SNX24: variants seen among roughly 807,000 people sequenced by gnomAD.
SNX24 encodes sorting nexin 24, also known as sorting nexin-24.
A neutral mutation model predicts 28.7 loss-of-function variants in SNX24; 22 were observed. The ratio of observed to expected loss-of-function variants is 0.77; its 90% CI spans 0.55 to 1.10. SNX24 has a LOEUF of 1.10. SNX24 is among the 50% of genes least tolerant of loss of function. The pLI is 0.00. For missense variants in SNX24, 221 were observed against 201.1 expected (o/e 1.10, Z -0.60); for synonymous variants, 69 against 71.5 (o/e 0.96, Z 0.18).
At chr5:122,870,668 C>G (rs562214594) in intron 1 of SNX24, among the ~76,000 whole-genome samples, 1 of 152,250 alleles carries the variant, frequency 6.6e-6, no homozygotes, top group South Asian at 2.1e-4. Flanking sequence ...AGGAATGATT[C>G]TTTAGGACAG....
At chr5:122,991,661 A>G (rs891243754) in intron 3 of SNX24, among the ~76,000 whole-genome samples, 2 of 152,042 alleles carry the variant, frequency 1.3e-5, no homozygotes, top group Non-Finnish European at 2.9e-5. Context: ...GGGCTTCTCC[A>G]TGTTGGCCAG....
At chr5:122,897,590 TTA>T (rs1451897319) in intron 1 of SNX24, among the ~76,000 whole-genome samples, 1 of 152,194 alleles carries the variant, frequency 6.6e-6, no homozygotes, top group African/African-American at 2.4e-5. Flanking sequence ...CTCCAAATAC[TTA>T]TTTGTGACAA....
intron 1 of SNX24, among the ~76,000 whole-genome samples, chr5:122,858,355 A>G (rs75885261): frequency 0.012 from 1,898 of 152,368 alleles, 42 homozygotes; most frequent in African/African-American, 0.044. Context: ...TGCTCAATGC[A>G]GGATAACAAC....
chr5:122,998,651 C>T (rs1432232112), intron 3 of SNX24, among the ~76,000 whole-genome samples: 1 of 152,158 alleles, frequency 6.6e-6, no homozygotes, highest in Non-Finnish European at 1.5e-5. Context: ...GGACAGAGGG[C>T]AGCCTAGGAG....
At chr5:122,947,891 C>T (rs896107366) in intron 3 of SNX24, among the ~76,000 whole-genome samples, 6 of 152,184 alleles carry the variant, frequency 3.9e-5, no homozygotes, top group African/African-American at 7.2e-5. Context: ...TCCATTACTA[C>T]TCAGTGTAAA....
At chr5:122,880,584 A>G (rs1561540450) in intron 1 of SNX24, among the ~76,000 whole-genome samples, 1 of 152,208 alleles carries the variant, frequency 6.6e-6, no homozygotes, top group African/African-American at 2.4e-5. Flanking sequence ...ATAAAAGTGG[A>G]AAATGGACCT....
intron 3 of SNX24, among the ~76,000 whole-genome samples, chr5:122,953,022 A>C (rs760621334): frequency 2.6e-5 from 4 of 151,522 alleles, no homozygotes; most frequent in African/African-American, 4.9e-5. Context: ...AATAGTTGAA[A>C]ACTTCCTCAG....
At chr5:123,025,390 A>G (rs1258077056) in intron 5 of SNX24, among the ~76,000 whole-genome samples, 1 of 152,200 alleles carries the variant, frequency 6.6e-6, no homozygotes, top group Non-Finnish European at 1.5e-5. Context: ...TATATAAATG[A>G]AGTCATATAG....
At chr5:122,997,020 C>T (rs949269387) in intron 3 of SNX24, among the ~76,000 whole-genome samples, 2 of 152,164 alleles carry the variant, frequency 1.3e-5, no homozygotes, top group Admixed American at 1.3e-4. Flanking sequence ...TTGTGAGGTC[C>T]AGCCTTACTG....
At chr5:123,017,831 C>T (rs1762705585) in intron 5 of SNX24, among the ~76,000 whole-genome samples, 1 of 152,056 alleles carries the variant, frequency 6.6e-6, no homozygotes, top group South Asian at 2.1e-4. Flanking sequence ...GTGAGGCCTC[C>T]CCAGCCTCAT....
intron 3 of SNX24, among the ~76,000 whole-genome samples, chr5:122,957,382 A>G (rs746587025): frequency 1.3e-5 from 2 of 152,192 alleles, no homozygotes; most frequent in Non-Finnish European, 2.9e-5. Context: ...CTATATGTCT[A>G]TCATATGCCA....
chr5:122,958,159 T>C (rs1760298739), intron 3 of SNX24, among the ~76,000 whole-genome samples: 1 of 152,192 alleles, frequency 6.6e-6, no homozygotes, highest in Non-Finnish European at 1.5e-5. Flanking sequence ...TTACTGTGGG[T>C]TTTAAATATA....
chr5:122,925,751 G>A (rs189442385), intron 1 of SNX24, among the ~76,000 whole-genome samples: 2 of 152,310 alleles, frequency 1.3e-5, no homozygotes, highest in East Asian at 3.9e-4. Flanking sequence ...CTGGACTGAA[G>A]TTTATACATA....
intron 1 of SNX24, 33 bp downstream of exon 1, chr5:122,845,726 C>A: frequency 1.5e-6 from 2 of 1,292,506 alleles, no homozygotes; most frequent in Admixed American, 3.3e-5. Flanking sequence ...CAGGGCCCCG[C>A]GAGCCAGGCC....
At chr5:122,940,789 T>C (rs1001620820) in intron 2 of SNX24, among the ~76,000 whole-genome samples, 1 of 152,202 alleles carries the variant, frequency 6.6e-6, no homozygotes, top group Non-Finnish European at 1.5e-5. Context: ...GCCAGGCTGG[T>C]CTCGAACTCT....
At chr5:122,999,685 C>T (rs1762176987) in intron 3 of SNX24, among the ~76,000 whole-genome samples, 1 of 152,130 alleles carries the variant, frequency 6.6e-6, no homozygotes, top group Non-Finnish European at 1.5e-5. Flanking sequence ...CTATAAATGC[C>T]AGTTGAATGA....
downstream of SNX24, among the ~76,000 whole-genome samples, chr5:123,012,933 C>G (rs968836473): frequency 2.0e-5 from 3 of 152,226 alleles, no homozygotes; most frequent in African/African-American, 4.8e-5. Context: ...CCAGTTCACT[C>G]TGATACACAC....
intron 3 of SNX24, among the ~76,000 whole-genome samples, chr5:122,993,297 CT>C (rs34422739): frequency 0.34 from 38,598 of 113,874 alleles, 5,218 homozygotes; most frequent in Admixed American, 0.4. Context: ...TAGTGGCTGC[CT>C]TTTTTTTTTT....
chr5:122,845,712 C>A lies in SNX24; in HGVS notation c.60+19C>A. 7.4e-7 allele frequency: 1 copy of A among 1,350,244 alleles called. No homozygotes were observed. The highest frequency in any genetic ancestry group is 2.1e-5 in the South Asian group (1 of 47,644). The allele number at this position is 1,350,244 out of a possible 1,614,324, so 83.6% of individuals were successfully genotyped here. On this transcript the variant is annotated intron_variant, in intron 1 of 6. Coordinates refer to ENST00000261369, the MANE Select transcript of SNX24 (RefSeq NM_014035.4). Reference sequence around the variant, plus strand: ...ATACACGGTAGGCGCGGGCCGCGGGCGGACAGGGCCCCGCGAGCCAGGCCT... The same window carrying A: ...ATACACGGTAGGCGCGGGCCGCGGGAGGACAGGGCCCCGCGAGCCAGGCCT...
Sources: gnomAD v4.1 joint callset for allele counts (sites outside exome capture counted in the v4.1 genomes callset) on GRCh38, gnomAD v4.1.1 for gene constraint, MANE v1.5 for transcripts, NCBI Gene and HGNC (gene_info 2026-07-23, HGNC 2026-07-21) for gene names.